The following MAP4K5 variants were observed in gnomAD, a reference collection of about 807,000 sequenced individuals.
MAP4K5 encodes MAPK/ERK kinase kinase kinase 5.
In MAP4K5, 82 loss-of-function variants were observed where a neutral mutation model predicts 135.6. The ratio of observed to expected loss-of-function variants is 0.60; its 90% CI spans 0.51 to 0.73. The LOEUF is 0.73. Among genes scored for constraint, MAP4K5 ranks in the 30% least tolerant of loss-of-function variants. The pLI is 0.00. For synonymous variants in MAP4K5, 347 were observed against 335.0 expected (o/e 1.04, Z -0.39); for missense variants, 907 against 1,010.9 (o/e 0.90, Z 1.39).
At position 50,479,565 on chromosome 14, in the gene MAP4K5, T is replaced by C. The variant is rs3267; in HGVS notation, c.378+2796A>G. ...GGTTTTCATCTCTAGAAGTTTGACT[T>C]GGGCCTTTTTTATACCTTCCATATC... On this transcript the variant is annotated intron_variant, in intron 6 of 32. Transcript: ENST00000682126. Among the ~76,000 whole-genome samples the C allele has an allele frequency of 9.8e-5, 15 of 152,294 alleles. No homozygotes were observed. In the East Asian group the frequency reaches 2.7e-3, roughly 27 times the overall value.
intron 9 of MAP4K5, among the ~76,000 whole-genome samples, chr14:50,473,797 C>A (rs2037029078): frequency 7.0e-6 from 1 of 142,600 alleles, no homozygotes; most frequent in East Asian, 2.1e-4. Context: ...GCACTCAGCT[C>A]GCTGTAAGCT....
At chr14:50,504,700 G>T in intron 3 of MAP4K5, 100 bp downstream of exon 3, 1 of 815,594 alleles carries the variant, frequency 1.2e-6, no homozygotes, top group South Asian at 1.7e-5. Context: ...ATATTCTACT[G>T]ACCTGATAGA....
At chr14:50,420,176 C>G in intron 32 of MAP4K5, 70 bp from the exon 33 acceptor site, 1 of 818,132 alleles carries the variant, frequency 1.2e-6, no homozygotes, top group Non-Finnish European at 2.1e-6. Flanking sequence ...TAACATCAAA[C>G]TAGGAAAGAA....
chr14:50,420,004 A>G lies in MAP4K5; in HGVS notation c.*15T>C. On this transcript the variant is annotated 3_prime_UTR_variant, in exon 33 of 33. Coordinates refer to ENST00000682126, the MANE Select transcript of MAP4K5 (RefSeq NM_006575.6). The stretch of plus-strand genomic sequence containing the variant: ...TATATTCATTTTCCTGTCATTTGAG[A>G]TCAGTTTCTGTTGCTTAGTAACTAT... The G allele has an allele frequency of 2.6e-6, 4 of 1,557,974 alleles. No homozygotes were observed. Among genetic ancestry groups the G allele is most frequent in the South Asian group, 2.3e-5 (2 of 87,256 alleles).
At chr14:50,444,944 C>A in intron 18 of MAP4K5, 97 bp downstream of exon 18, 1 of 1,298,016 alleles carries the variant, frequency 7.7e-7, no homozygotes, top group Non-Finnish European at 1.1e-6. Context: ...GAAATAGGAA[C>A]AAATGACTCT....
chr14:50,465,371 G>T (rs975421211), intron 11 of MAP4K5, among the ~76,000 whole-genome samples: 5 of 152,112 alleles, frequency 3.3e-5, no homozygotes, highest in African/African-American at 1.2e-4. Flanking sequence ...TATTTGCACA[G>T]CTTCTTTTAT....
Position 50,461,538 on chromosome 14 carries a change from T to C in MAP4K5, c.936+1127A>G, listed in dbSNP as rs146768593. ...GGAGAGAAAGAGACTGGTGAAAAAA[T>C]ATAGCTGTGCTATAGTCATAAATAG... On this transcript the variant is annotated intron_variant, in intron 13 of 32. Transcript: ENST00000682126. Among the ~76,000 whole-genome samples the C allele has an allele frequency of 4.1e-4, 62 of 152,102 alleles. 2 individuals are homozygous for C. In the East Asian group the frequency reaches 0.012, roughly 29 times the overall value.
At chr14:50,480,843 G>T (rs2037224178) in intron 6 of MAP4K5, among the ~76,000 whole-genome samples, 2 of 152,106 alleles carry the variant, frequency 1.3e-5, no homozygotes, top group African/African-American at 2.4e-5. Context: ...TACTGATATT[G>T]TAGGAACTGT....
intron 3 of MAP4K5, among the ~76,000 whole-genome samples, chr14:50,489,172 TAG>T (rs2037430393): frequency 2.6e-5 from 4 of 152,254 alleles, no homozygotes; most frequent in East Asian, 1.9e-4. Flanking sequence ...CTGGGCAACA[TAG>T]AGAGATCTCG....
intron 1 of MAP4K5, among the ~76,000 whole-genome samples, chr14:50,557,136 T>C (rs1263575933): frequency 6.6e-6 from 1 of 152,184 alleles, no homozygotes; most frequent in African/African-American, 2.4e-5. Flanking sequence ...TTTCTCCACA[T>C]CTCACCAACA....
chr14:50,509,223 G>A (rs1291847112), intron 2 of MAP4K5, among the ~76,000 whole-genome samples: 1 of 151,414 alleles, frequency 6.6e-6, no homozygotes, highest in African/African-American at 2.4e-5. Context: ...CACACACAGG[G>A]GCCTGTCATG....
intron 9 of MAP4K5, 65 bp downstream of exon 9, chr14:50,475,012 C>T (rs916996450): frequency 1.5e-5 from 19 of 1,286,378 alleles, no homozygotes; most frequent in African/African-American, 4.4e-5. Context: ...TACCAAGTAT[C>T]GAGGTTGATC....
At chr14:50,502,236 A>C (rs988203596) in intron 3 of MAP4K5, among the ~76,000 whole-genome samples, 33 of 152,186 alleles carry the variant, frequency 2.2e-4, no homozygotes, top group Non-Finnish European at 1.8e-4. Context: ...TCCAGCATAA[A>C]TGGGTTAATA....
intron 26 of MAP4K5, 149 bp from the exon 27 acceptor site, chr14:50,435,214 TTTC>T: frequency 2.1e-6 from 1 of 484,884 alleles, no homozygotes; most frequent in Non-Finnish European, 3.7e-6. Flanking sequence ...TCCGTTTTAC[TTTC>T]TTATCTCAAT....
At chr14:50,435,624 G>T (rs2036073078) in intron 26 of MAP4K5, among the ~76,000 whole-genome samples, 1 of 151,318 alleles carries the variant, frequency 6.6e-6, no homozygotes, top group Admixed American at 6.6e-5. Flanking sequence ...TTCCCATCTT[G>T]GCCTCCCCAA....
At chr14:50,420,449 G>T (rs2035700070) in intron 32 of MAP4K5, among the ~76,000 whole-genome samples, 1 of 151,738 alleles carries the variant, frequency 6.6e-6, no homozygotes, top group Non-Finnish European at 1.5e-5. Context: ...TGAGCAAGAT[G>T]GCAAGACCCC....
At chr14:50,518,277 TTTTAC>T (rs1790627374) in intron 2 of MAP4K5, among the ~76,000 whole-genome samples, 1 of 152,158 alleles carries the variant, frequency 6.6e-6, no homozygotes, top group Non-Finnish European at 1.5e-5. Context: ...TTTTTTTTAT[TTTTAC>T]TTTAAGTTAC....
intron 12 of MAP4K5, among the ~76,000 whole-genome samples, chr14:50,463,445 G>A (rs554411762): frequency 6.6e-6 from 1 of 152,266 alleles, no homozygotes; most frequent in Non-Finnish European, 1.5e-5. Context: ...GCCTCTTTTT[G>A]TAAATATTTA....
chr14:50,435,990 C>T (rs1566638641), intron 26 of MAP4K5, among the ~76,000 whole-genome samples: 1 of 152,102 alleles, frequency 6.6e-6, no homozygotes, highest in Non-Finnish European at 1.5e-5. Flanking sequence ...TGACATGATT[C>T]TCCCTAGAAA....
Sources: allele counts gnomAD v4.1 joint callset (sites outside exome capture counted in the v4.1 genomes callset), GRCh38; gene constraint gnomAD v4.1.1; transcripts MANE v1.5; gene names NCBI Gene and HGNC (gene_info 2026-07-23, HGNC 2026-07-21).